The following DOT1L variants were observed in gnomAD, a reference collection of about 807,000 sequenced individuals.
DOT1L encodes the protein histone-lysine N-methyltransferase, H3 lysine-79 specific.
A neutral mutation model predicts 153.3 loss-of-function variants in DOT1L; 33 were observed. That is an observed-to-expected ratio of 0.22 (90% CI 0.16 to 0.29). The LOEUF (loss-of-function observed/expected upper bound fraction) is 0.29, where lower values mean the gene tolerates loss of function less well. DOT1L is among the 10% of genes least tolerant of loss of function. DOT1L has a pLI of 1.00. For missense variants in DOT1L, 1,847 were observed against 2,119.9 expected, an observed-to-expected ratio of 0.87 and a Z score of 2.53; for synonymous variants, 1,135 against 965.1, an observed-to-expected ratio of 1.18 and a Z score of -3.26.
chr19:2,170,886 G>A (rs1261770957), intron 1 of DOT1L, among the ~76,000 whole-genome samples: 2 of 152,060 alleles, frequency 1.3e-5, no homozygotes, highest in Non-Finnish European at 2.9e-5. Context: ...GTGTCTCCCG[G>A]GACCTGTCCC....
At chr19:2,176,290 CAG>C (rs2021930596) in intron 1 of DOT1L, among the ~76,000 whole-genome samples, 1 of 152,134 alleles carries the variant, frequency 6.6e-6, no homozygotes, top group South Asian at 2.1e-4. Flanking sequence ...CAAGAGGGGA[CAG>C]GGGCAGTAAC....
chr19:2,225,318 C>CT lies in DOT1L; in HGVS notation c.3597-69dup, dbSNP rs2024281315. ...CCTCCGGAGCTCCCTGGGCTGTTGG[C>CT]TGTCAGCATTTGTGTCATTCTTAGT... On this transcript the variant is annotated intron_variant, in intron 25 of 27. Coordinates refer to ENST00000398665, the MANE Select transcript of DOT1L (RefSeq NM_032482.3). The CT allele has an allele frequency of 2.0e-6, 3 of 1,476,460 alleles. No homozygotes were observed. The African/African-American group carries it at 4.2e-5, about 21-fold the overall frequency. 91.5% of individuals were successfully genotyped at this position (1,476,460 alleles called of 1,614,324 possible).
At chr19:2,206,629 T>G in intron 9 of DOT1L, 100 bp from the exon 10 acceptor site, 1 of 1,125,886 alleles carries the variant, frequency 8.9e-7, no homozygotes. Flanking sequence ...GCCCAGTGTG[T>G]GTGTGTTCCG....
chr19:2,167,292 A>G (rs746184345), intron 1 of DOT1L, among the ~76,000 whole-genome samples: 3 of 152,168 alleles, frequency 2.0e-5, no homozygotes, highest in Non-Finnish European at 2.9e-5. Flanking sequence ...TAAGAAACCC[A>G]CTGGAACCCA....
chr19:2,223,936 G>A (rs1190948892), intron 25 of DOT1L, among the ~76,000 whole-genome samples: 1 of 152,144 alleles, frequency 6.6e-6, no homozygotes, highest in Non-Finnish European at 1.5e-5. Flanking sequence ...ATCATGTCCT[G>A]AGAAAATCTC....
chr19:2,228,728 C>T, intron 27 of DOT1L: 1 of 985,382 alleles, frequency 1.0e-6, no homozygotes, highest in Non-Finnish European at 1.2e-6. Context: ...GAGCAGTCTC[C>T]AGGGCTCCAT....
intron 7 of DOT1L, 103 bp from the exon 8 acceptor site, chr19:2,199,781 C>A (rs2023168471): frequency 6.9e-7 from 1 of 1,454,112 alleles, no homozygotes; most frequent in Non-Finnish European, 9.4e-7. Flanking sequence ...TCCTTCACTG[C>A]AAGCGGAGCT....
At chr19:2,219,840 C>T (rs1449907782) in intron 22 of DOT1L, among the ~76,000 whole-genome samples, 1 of 152,086 alleles carries the variant, frequency 6.6e-6, no homozygotes, top group East Asian at 1.9e-4. Context: ...ACCCCCTCCC[C>T]ACAGCTGGAC....
At position 2,197,864 on chromosome 19, in the gene DOT1L, C is replaced by T. The variant is rs572435717; in HGVS notation, c.652-2020C>T. ...GCGGAGGGTGGGTCAGAGAGGCTTCCACCTGACTGTTCCCTGCCCTTTCTG... is the reference window on the plus strand; with the variant it reads ...GCGGAGGGTGGGTCAGAGAGGCTTCTACCTGACTGTTCCCTGCCCTTTCTG... On this transcript the variant is annotated intron_variant, in intron 7 of 27. Coordinates refer to ENST00000398665, the MANE Select transcript of DOT1L (RefSeq NM_032482.3). This position sits in a 1 kb window ranked among gnomAD's most constrained non-coding sequence, Gnocchi z 4.1. 6.6e-6 allele frequency among the ~76,000 whole-genome samples: 1 copy of T among 152,304 alleles called. No individual in the cohort carries two copies. Among genetic ancestry groups the T allele is most frequent in the South Asian group, 2.1e-4 (1 of 4,828 alleles).
chr19:2,175,480 T>C (rs1048664537), intron 1 of DOT1L, among the ~76,000 whole-genome samples: 3 of 152,296 alleles, frequency 2.0e-5, no homozygotes, highest in Non-Finnish European at 2.9e-5. Context: ...AGATAAATTT[T>C]CATAACTTAT....
At chr19:2,209,297 G>T (rs768393371) in intron 12 of DOT1L, among the ~76,000 whole-genome samples, 3 of 150,862 alleles carry the variant, frequency 2.0e-5, no homozygotes, top group Non-Finnish European at 4.4e-5. Flanking sequence ...CTGTCTCTTT[G>T]CCTGTCTTCA....
rs371818561 is a variant in DOT1L at position 2,199,041 on chromosome 19, T to A, written c.652-843T>A. Reference sequence around the variant, plus strand: ...GGAGGCATTTGTGTCCGGGCTTTTGTGTGGACATGTTTTTATTTCTCCTGG... The same window carrying A: ...GGAGGCATTTGTGTCCGGGCTTTTGAGTGGACATGTTTTTATTTCTCCTGG... On this transcript the variant is annotated intron_variant, in intron 7 of 27. Coordinates refer to ENST00000398665, the MANE Select transcript of DOT1L (RefSeq NM_032482.3). Among the ~76,000 whole-genome samples the A allele has an allele frequency of 5.3e-5, 8 of 152,212 alleles. No homozygotes were observed. The East Asian group carries it at 7.7e-4, about 15-fold the overall frequency.
chr19:2,227,144 T>TCCGTCCGC lies in DOT1L; in HGVS notation c.4606+20_4606+27dup, dbSNP rs745312962. 2 of 1,554,076 alleles carry TCCGTCCGC rather than the reference T, an allele frequency of 1.3e-6. No homozygotes were observed. On this transcript the variant is annotated intron_variant, in intron 27 of 27. Coordinates refer to ENST00000398665, the MANE Select transcript of DOT1L (RefSeq NM_032482.3). ...CAGTTGGAGGTAGGCAGGGCGGCCG[T>TCCGTCCGC]CCGTCCGCCCCCCGCCCCGGCCCCC... is the stretch of plus-strand genomic sequence containing the variant.
Position 2,207,499 on chromosome 19 carries a change from C to G in DOT1L, c.857-75C>G. On this transcript the variant is annotated intron_variant, in intron 10 of 27. Coordinates refer to ENST00000398665, the MANE Select transcript of DOT1L (RefSeq NM_032482.3). The surrounding 1 kb of genome is among the most constrained non-coding windows in gnomAD (Gnocchi z 4.5). ...GCTCAGGCTTCTGTCCCCACGCCTGCCCTGGGGTGGGTGAGGTCTGCATGG... is the reference window on the plus strand; with the variant it reads ...GCTCAGGCTTCTGTCCCCACGCCTGGCCTGGGGTGGGTGAGGTCTGCATGG... 7.7e-7 allele frequency: 1 copy of G among 1,295,112 alleles called. No homozygotes were observed. Among genetic ancestry groups the G allele is most frequent in the Non-Finnish European group, 1.1e-6 (1 of 927,030 alleles). 80.2% of individuals were successfully genotyped at this position (1,295,112 alleles called of 1,614,324 possible). A position where few individuals can be genotyped will look rare whatever the true frequency, so the allele number is the denominator to read the frequency against.
At chr19:2,225,930 G>A (rs901310530) in intron 26 of DOT1L, among the ~76,000 whole-genome samples, 1 of 152,046 alleles carries the variant, frequency 6.6e-6, no homozygotes, top group South Asian at 2.1e-4. Flanking sequence ...CCTGTCTTCC[G>A]CCCTCCTGTC....
chr19:2,216,299 G>C lies in DOT1L; in HGVS notation c.1942G>C (p.Glu648Gln). Residue 648 changes from glutamate (E) to glutamine (Q), a missense_variant, in exon 20 of 28, where the codon GAG becomes CAG. Coordinates refer to ENST00000398665, the MANE Select transcript of DOT1L (RefSeq NM_032482.3). ...LELQISIVEL[E>Q]KSQRQQELLQ... The stretch of plus-strand genomic sequence containing the variant: ...CCTGCAGATCAGCATTGTGGAGCTA[G>C]AGAAGAGCCAGCGGCAGCAGGAGCT... The C allele has an allele frequency of 6.3e-7, 1 of 1,586,026 alleles. No individual in the cohort carries two copies. Among genetic ancestry groups the C allele is most frequent in the Non-Finnish European group, 8.6e-7 (1 of 1,161,910 alleles).
chr19:2,177,266 G>T (rs1384050741), intron 1 of DOT1L, among the ~76,000 whole-genome samples: 1 of 152,112 alleles, frequency 6.6e-6, no homozygotes, highest in South Asian at 2.1e-4. Context: ...TGCTGCACTC[G>T]CCCCACACAC....
Position 2,217,676 on chromosome 19 carries a change from G to T in DOT1L, c.2545-96G>T. 6.7e-7 allele frequency: 1 copy of T among 1,496,500 alleles called. No individual in the cohort carries two copies. The highest frequency in any genetic ancestry group is 1.3e-5 in the South Asian group (1 of 78,220). The allele number at this position is 1,496,500 out of a possible 1,614,324, so 92.7% of individuals were successfully genotyped here. ...GCCTTGGCAGCGTGGGGGCCGCCTT[G>T]AGAGAGCTGTAGCAGGCCCCCGTCC... On this transcript the variant is annotated intron_variant, in intron 21 of 27. Coordinates refer to ENST00000398665, the MANE Select transcript of DOT1L (RefSeq NM_032482.3). This position sits in a 1 kb window ranked among gnomAD's most constrained non-coding sequence, Gnocchi z 7.3.
chr19:2,186,199 G>A (rs868114233), intron 3 of DOT1L, among the ~76,000 whole-genome samples: 1 of 152,246 alleles, frequency 6.6e-6, no homozygotes, highest in Non-Finnish European at 1.5e-5. Context: ...GCTAGTGATC[G>A]CTCTTTTTAT....
Sources: allele counts gnomAD v4.1 joint callset (sites outside exome capture counted in the v4.1 genomes callset), GRCh38; gene constraint gnomAD v4.1.1; non-coding constraint Gnocchi (gnomAD v3.1); transcripts MANE v1.5; gene names NCBI Gene and HGNC (gene_info 2026-07-23, HGNC 2026-07-21).